Variants in NCALD observed in about 807,000 individuals in gnomAD.
NCALD encodes the protein neurocalcin delta, also known as neurocalcin-delta.
Under a neutral mutation model 18.6 loss-of-function variants are expected in NCALD, and 10 were observed. The observed-to-expected ratio is 0.54, with a 90% CI of 0.33 to 0.91. The LOEUF is 0.91. NCALD is among the 40% of genes least tolerant of loss of function. The pLI is 0.03. For missense variants in NCALD, 184 were observed against 247.6 expected (o/e 0.74, Z 1.72); for synonymous variants, 88 against 87.4 (o/e 1.01, Z -0.04).
At chr8:101,729,537 G>T (rs1307530599) in intron 1 of NCALD, among the ~76,000 whole-genome samples, 1 of 152,190 alleles carries the variant, frequency 6.6e-6, no homozygotes, top group Non-Finnish European at 1.5e-5. Flanking sequence ...TATGTGAAGG[G>T]TCATGGCCTG....
At chr8:102,120,296 C>T (rs894418749) in intron 1 of NCALD, among the ~76,000 whole-genome samples, 2 of 152,082 alleles carry the variant, frequency 1.3e-5, no homozygotes, top group Non-Finnish European at 2.9e-5. Flanking sequence ...ATTTCTCAGC[C>T]CGTCTCTAAG....
At chr8:101,901,133 A>T (rs1420356559) in intron 3 of NCALD, among the ~76,000 whole-genome samples, 1 of 151,874 alleles carries the variant, frequency 6.6e-6, no homozygotes, top group African/African-American at 2.4e-5. Flanking sequence ...TCTTTTCTCT[A>T]AAGTCTCCTT....
chr8:102,060,180 A>G (rs1198451297), intron 1 of NCALD, among the ~76,000 whole-genome samples: 2 of 151,778 alleles, frequency 1.3e-5, no homozygotes, highest in Admixed American at 6.6e-5. Flanking sequence ...ACAGGGTTTC[A>G]CTGTGTTAGC....
At chr8:101,927,474 T>A (rs1047704360) in intron 2 of NCALD, among the ~76,000 whole-genome samples, 4 of 152,160 alleles carry the variant, frequency 2.6e-5, no homozygotes, top group Admixed American at 1.3e-4. Context: ...TGAGCAAGGA[T>A]CTGCTAAGTG....
intron 3 of NCALD, among the ~76,000 whole-genome samples, chr8:101,906,187 G>A (rs367550797): frequency 5.3e-5 from 8 of 152,198 alleles, no homozygotes; most frequent in East Asian, 3.9e-4. Flanking sequence ...TGCTTCTCTC[G>A]ATTTACTTTT....
At chr8:102,025,073 T>A (rs1458386852) in intron 1 of NCALD, among the ~76,000 whole-genome samples, 2 of 152,148 alleles carry the variant, frequency 1.3e-5, no homozygotes, top group African/African-American at 4.8e-5. Context: ...GTCCCCTGCC[T>A]CTCTCTCAAC....
intron 2 of NCALD, among the ~76,000 whole-genome samples, chr8:101,714,898 G>A (rs1345581383): frequency 6.6e-6 from 1 of 150,778 alleles, no homozygotes; most frequent in Non-Finnish European, 1.5e-5. Context: ...TCGGGAGGCT[G>A]AGGCAGGAGA....
intron 2 of NCALD, among the ~76,000 whole-genome samples, chr8:101,929,082 C>T (rs534750106): frequency 6.6e-6 from 1 of 151,702 alleles, no homozygotes; most frequent in East Asian, 2.0e-4. Flanking sequence ...ATGTGATAGT[C>T]GGGCTGTCAA....
At chr8:101,962,355 AAAG>A (rs1349277105) in intron 2 of NCALD, among the ~76,000 whole-genome samples, 2 of 152,200 alleles carry the variant, frequency 1.3e-5, no homozygotes, top group African/African-American at 4.8e-5. Flanking sequence ...AACAAACACA[AAAG>A]AAGGATAAAC....
chr8:101,791,146 GTAC>G (rs1353908967), upstream of NCALD, among the ~76,000 whole-genome samples: 1 of 152,200 alleles, frequency 6.6e-6, no homozygotes, highest in Admixed American at 6.5e-5. Flanking sequence ...GAGTATGTGT[GTAC>G]GCACACACCA....
intron 1 of NCALD, among the ~76,000 whole-genome samples, chr8:102,104,995 G>A (rs1397023514): frequency 6.6e-6 from 1 of 152,212 alleles, no homozygotes; most frequent in African/African-American, 2.4e-5. Flanking sequence ...TGGAGCTTCT[G>A]ATGGTATCTC....
chr8:101,995,357 A>G (rs1488302972), intron 2 of NCALD, among the ~76,000 whole-genome samples: 1 of 152,196 alleles, frequency 6.6e-6, no homozygotes, highest in Non-Finnish European at 1.5e-5. Flanking sequence ...TATTTTATTC[A>G]GCCATTCTTG....
intron 1 of NCALD, among the ~76,000 whole-genome samples, chr8:101,752,358 A>G (rs7001437): frequency 0.62 from 94,718 of 152,104 alleles, 31,954 homozygotes; most frequent in Non-Finnish European, 0.75. Context: ...AGGAACATCT[A>G]AGTGGAAGAA....
chr8:101,777,038 A>G (rs946671755), intron 1 of NCALD, among the ~76,000 whole-genome samples: 3 of 152,114 alleles, frequency 2.0e-5, no homozygotes, highest in African/African-American at 7.2e-5. Context: ...CCCCCAAAAG[A>G]CATGTCCCAG....
rs1347303838 is a variant in NCALD, at chr8:101,719,504, A to G, written c.126T>C (p.His42=). ...TTTTCTTAAACTCTTCCATTGACAAATGTCCACTGGGGCAGTCTCTCAAGA... is the reference window on the plus strand; with the variant it reads ...TTTTCTTAAACTCTTCCATTGACAAGTGTCCACTGGGGCAGTCTCTCAAGA... The part of the protein sequence containing the change: ...KGFLRDCPSG[H]LSMEEFKKIY... Residue 42 remains histidine (H), a synonymous_variant, in exon 2 of 4, where the codon CAT becomes CAC. Transcript: ENST00000220931. 6.2e-7 allele frequency: 1 copy of G among 1,614,072 alleles called. No individual in the cohort carries two copies. Among genetic ancestry groups the G allele is most frequent in the African/African-American group, 1.3e-5 (1 of 74,930 alleles).
chr8:101,969,538 C>T (rs1282499284), intron 2 of NCALD, among the ~76,000 whole-genome samples: 1 of 152,178 alleles, frequency 6.6e-6, no homozygotes, highest in African/African-American at 2.4e-5. Flanking sequence ...TGTTAATTAT[C>T]ATATCTTTTA....
intron 1 of NCALD, among the ~76,000 whole-genome samples, chr8:102,023,003 C>A (rs1295632191): frequency 6.6e-6 from 1 of 152,142 alleles, no homozygotes; most frequent in African/African-American, 2.4e-5. Flanking sequence ...TCAGTGGCAA[C>A]CAAGTCCCAT....
chr8:101,914,665 T>C (rs565543050), intron 3 of NCALD, among the ~76,000 whole-genome samples: 1 of 152,376 alleles, frequency 6.6e-6, no homozygotes, highest in South Asian at 2.1e-4. Context: ...AATTCTAACT[T>C]CCTTTCTTTG....
intron 1 of NCALD, among the ~76,000 whole-genome samples, chr8:102,064,147 C>T (rs1382227491): frequency 1.3e-5 from 2 of 152,292 alleles, no homozygotes; most frequent in East Asian, 3.9e-4. Flanking sequence ...ACTGTGTTTG[C>T]CTTCAGGTTC....
Sources: allele counts gnomAD v4.1 joint callset (sites outside exome capture counted in the v4.1 genomes callset), GRCh38; gene constraint gnomAD v4.1.1; transcripts MANE v1.5; gene names NCBI Gene and HGNC (gene_info 2026-07-23, HGNC 2026-07-21).